DHX35: variants seen among roughly 807,000 people sequenced by gnomAD.
DHX35 encodes DEAH-box helicase 35.
DHX35 carries 84 observed loss-of-function variants against 99.6 expected under a neutral mutation model. The observed-to-expected ratio is 0.84, with a 90% confidence interval of 0.71 to 1.01. DHX35 has a LOEUF of 1.01. DHX35 is among the 50% of genes least tolerant of loss of function. The pLI, the probability that DHX35 is intolerant of heterozygous loss-of-function variation, is 0.00. For synonymous variants in DHX35, 331 were observed against 316.2 expected, an observed-to-expected ratio of 1.05 and a Z score of -0.50; for missense variants, 852 against 888.5, an observed-to-expected ratio of 0.96 and a Z score of 0.52.
chr20:39,035,471 A>G (rs1336951406), intron 21 of DHX35, among the ~76,000 whole-genome samples: 1 of 152,264 alleles, frequency 6.6e-6, no homozygotes, highest in Non-Finnish European at 1.5e-5. Context: ...CAGAAGAGAA[A>G]GTCTGAAACC....
At chr20:38,972,859 T>A (rs2086024147) in intron 3 of DHX35, among the ~76,000 whole-genome samples, 1 of 152,238 alleles carries the variant, frequency 6.6e-6, no homozygotes. Flanking sequence ...TTATTATAAT[T>A]CCAAAATAGT....
At chr20:38,992,727 G>A (rs1378002287) in intron 7 of DHX35, among the ~76,000 whole-genome samples, 1 of 151,774 alleles carries the variant, frequency 6.6e-6, no homozygotes, top group Non-Finnish European at 1.5e-5. Flanking sequence ...CATTACATTA[G>A]GATCATTTTT....
At chr20:38,997,894 A>G (rs1327117405) in intron 8 of DHX35, among the ~76,000 whole-genome samples, 1 of 152,210 alleles carries the variant, frequency 6.6e-6, no homozygotes, top group African/African-American at 2.4e-5. Flanking sequence ...TCCAGAACTC[A>G]TCCCCTGCCC....
chr20:39,003,989 AAACACAAGGCAGAC>A, intron 11 of DHX35, 82 bp downstream of exon 11: 1 of 1,517,280 alleles, frequency 6.6e-7, no homozygotes, highest in Non-Finnish European at 9.1e-7. Flanking sequence ...GAAACTTGCT[AAACACAAGGCAGAC>A]TTCTAGGTCC....
At chr20:38,989,008 G>C in intron 5 of DHX35, 91 bp downstream of exon 5, 2 of 1,424,838 alleles carry the variant, frequency 1.4e-6, no homozygotes, top group Non-Finnish European at 1.9e-6. Context: ...TGCTGTACAG[G>C]ACATTGATAC....
In DHX35 at chr20:39,026,675, G is replaced by C. The variant is rs750714441; in HGVS notation, c.1801+1316G>C. ...TTGAATTAGAAAATGGTGGCAAAGA[G>C]CACTCTAGGGAAGGAGGACTGGAGA... is the stretch of plus-strand genomic sequence containing the variant. On this transcript the variant is annotated intron_variant, in intron 18 of 21. Transcript: ENST00000252011. Among the ~76,000 whole-genome samples the C allele has an allele frequency of 2.0e-5, 3 of 152,110 alleles. 1 individual carries two copies. In the South Asian group the frequency reaches 6.2e-4, roughly 32 times the overall value.
At chr20:38,985,121 G>T (rs963517828) in intron 4 of DHX35, among the ~76,000 whole-genome samples, 1 of 152,080 alleles carries the variant, frequency 6.6e-6, no homozygotes, top group Non-Finnish European at 1.5e-5. Context: ...GGTGGCTAAT[G>T]CCTGTATTCC....
chr20:39,014,571 A>G (rs2086752571), intron 13 of DHX35, among the ~76,000 whole-genome samples: 1 of 152,142 alleles, frequency 6.6e-6, no homozygotes, highest in Non-Finnish European at 1.5e-5. Flanking sequence ...GAAATGTCTC[A>G]GGAGGGTTTA....
At chr20:39,022,316 G>T (rs1011051609) in intron 16 of DHX35, among the ~76,000 whole-genome samples, 1 of 152,002 alleles carries the variant, frequency 6.6e-6, no homozygotes, top group Admixed American at 6.6e-5. Flanking sequence ...GCTCCACCAC[G>T]CCCGGCTAAT....
chr20:39,006,540 TCCCCATTGGCCAAAGC>T (rs1212516431), intron 12 of DHX35, among the ~76,000 whole-genome samples, 184 bp downstream of exon 12: 10 of 152,194 alleles, frequency 6.6e-5, no homozygotes, highest in African/African-American at 2.4e-4. Context: ...TTGTTACTAG[TCCCCATTGGCCAAAGC>T]TGGCCTGTGA....
At position 38,969,076 on chromosome 20, in the gene DHX35, T is replaced by C. The variant is rs778149659; in HGVS notation, c.41-5T>C. The C allele has an allele frequency of 3.5e-5, 56 of 1,586,360 alleles. No homozygotes were observed. Among genetic ancestry groups the C allele is most frequent in the Non-Finnish European group, 4.5e-5 (53 of 1,168,322 alleles). On this transcript the variant is annotated splice_polypyrimidine_tract_variant and splice_region_variant and intron_variant, in intron 1 of 21. Coordinates refer to ENST00000252011, the MANE Select transcript of DHX35 (RefSeq NM_021931.4). The stretch of plus-strand genomic sequence containing the variant: ...GAATCTGAAAAAAAAACATTTCTGC[T>C]GCAGGTACAGAGGGGCCAGGTGTAA...
At chr20:39,036,726 C>A (rs4812355) in intron 21 of DHX35, among the ~76,000 whole-genome samples, 7,027 of 51,332 alleles carry the variant, frequency 0.14, 116 homozygotes, top group African/African-American at 0.19. Flanking sequence ...ACTGTCCCCC[C>A]AAAAAAAAAA....
chr20:38,994,630 G>GCCC (rs1305311376), intron 7 of DHX35, among the ~76,000 whole-genome samples, 191 bp from the exon 8 acceptor site: 2 of 88,454 alleles, frequency 2.3e-5, no homozygotes, highest in African/African-American at 4.6e-5. Context: ...ATAGTGTAAT[G>GCCC]ACCCCCCCCC....
At chr20:39,019,617 A>G (rs2086840707) in intron 15 of DHX35, among the ~76,000 whole-genome samples, 2 of 152,226 alleles carry the variant, frequency 1.3e-5, no homozygotes, top group Non-Finnish European at 1.5e-5. Flanking sequence ...TTTATGAGAT[A>G]GAGTGTGATG....
Position 39,006,213 on chromosome 20 carries a change from G to T in DHX35, c.1079G>T (p.Cys360Phe). 6.2e-7 allele frequency: 1 copy of T among 1,614,184 alleles called. No homozygotes were observed. The highest frequency in any genetic ancestry group is 8.5e-7 in the Non-Finnish European group (1 of 1,180,028). Reference protein sequence around the residue: ...TISGIVYVIDCGFVKLRAYNP... With the variant: ...TISGIVYVIDFGFVKLRAYNP... ...AGCGGCATTGTGTATGTGATCGACT[G>T]TGGCTTTGTGAAACTCCGAGCCTAC... Residue 360 changes from cysteine to phenylalanine, a missense_variant, in exon 12 of 22, where the codon TGT (cysteine) becomes TTT (phenylalanine). Physicochemically the swap from Cys to Phe is radical, Grantham distance 205. Coordinates refer to ENST00000252011, the MANE Select transcript of DHX35 (RefSeq NM_021931.4).
intron 14 of DHX35, among the ~76,000 whole-genome samples, chr20:39,018,274 G>C (rs1019830137): frequency 6.6e-6 from 1 of 152,090 alleles, no homozygotes; most frequent in African/African-American, 2.4e-5. Context: ...TCCGGTCCTG[G>C]AGGTGGTAGA....
chr20:39,032,268 T>C (rs2087067833), intron 20 of DHX35, among the ~76,000 whole-genome samples: 1 of 152,058 alleles, frequency 6.6e-6, no homozygotes, highest in Non-Finnish European at 1.5e-5. Context: ...ACCTTCGGGG[T>C]TCAAGTGATT....
chr20:39,019,391 C>T (rs540969216), intron 15 of DHX35, among the ~76,000 whole-genome samples: 1 of 151,984 alleles, frequency 6.6e-6, no homozygotes, highest in Non-Finnish European at 1.5e-5. Flanking sequence ...ATATCTATAC[C>T]ATGTTTTGTT....
At chr20:38,974,318 G>A (rs2086044716) in intron 3 of DHX35, among the ~76,000 whole-genome samples, 1 of 152,176 alleles carries the variant, frequency 6.6e-6, no homozygotes, top group South Asian at 2.1e-4. Flanking sequence ...ATCTGGTGAG[G>A]ATGGGAAGGA....
Sources: allele counts gnomAD v4.1 joint callset (sites outside exome capture counted in the v4.1 genomes callset), GRCh38; gene constraint gnomAD v4.1.1; transcripts MANE v1.5; gene names NCBI Gene and HGNC (gene_info 2026-07-23, HGNC 2026-07-21).